Variants in LRRC53 observed in about 807,000 individuals in gnomAD.
The protein encoded by LRRC53 is leucine-rich repeat-containing protein 53.
Under a neutral mutation model 13.6 loss-of-function variants are expected in LRRC53, and 25 were observed. The ratio of observed to expected loss-of-function variants is 1.83; its 90% confidence interval spans 1.34 to 2.56. The LOEUF (loss-of-function observed/expected upper bound fraction) is 2.56. LRRC53 is among the 30% of genes most tolerant of loss of function. The probability of loss-of-function intolerance (pLI) is 0.00; values close to 1 mark genes in which losing one functional copy is unlikely to be tolerated. For missense variants in LRRC53, 527 were observed against 275.8 expected (o/e 1.91, Z -6.45); for synonymous variants, 204 against 109.8 (o/e 1.86, Z -5.37).
At chr1:74,530,153 C>T in the LRRC53 span, among the ~76,000 whole-genome samples, 1 of 152,136 alleles carries the variant, frequency 6.6e-6, no homozygotes, top group Non-Finnish European at 1.5e-5. Flanking sequence ...TTTCTATTTA[C>T]CCCAGAGGGT....
At chr1:74,527,985 G>T in the LRRC53 span, among the ~76,000 whole-genome samples, 14 of 152,300 alleles carry the variant, frequency 9.2e-5, no homozygotes, top group African/African-American at 3.1e-4. Flanking sequence ...CCCGGCCAAG[G>T]TGGTAGTGCT....
Position 74,470,713 on chromosome 1 carries a change from G to GT in LRRC53, c.2908dup (p.Thr970AsnfsTer20), listed in dbSNP as rs1180095226. 5.0e-6 allele frequency: 2 copies of GT among 400,342 alleles called. No individual in the cohort carries two copies. The highest frequency in any genetic ancestry group is 8.8e-6 in the Non-Finnish European group (2 of 226,110). 24.8% of individuals were successfully genotyped at this position (400,342 alleles called of 1,614,324 possible). A position where few individuals can be genotyped will look rare whatever the true frequency, so the allele number is the denominator to read the frequency against. On this transcript the variant is annotated frameshift_variant, in exon 5 of 5. Coordinates refer to ENST00000294635, the MANE Select transcript of LRRC53 (RefSeq NM_001382280.1). LOFTEE classifies it low-confidence loss of function (END_TRUNC). Reference sequence around the variant, plus strand: ...TGATATTTGGGGTTTTGTCATTAATGTTTTTTCTTTATTTTCAAGCTGTGC... The same window carrying GT: ...TGATATTTGGGGTTTTGTCATTAATGTTTTTTTCTTTATTTTCAAGCTGTGC...
At chr1:74,511,902 G>A (rs1192579831) in intron 1 of LRRC53, among the ~76,000 whole-genome samples, 5 of 152,140 alleles carry the variant, frequency 3.3e-5, no homozygotes, top group Admixed American at 3.3e-4. Flanking sequence ...AACAGCAAAG[G>A]GTTGAGTGTG....
At chr1:74,484,531 G>A (rs1043263889) in intron 1 of LRRC53, among the ~76,000 whole-genome samples, 4 of 152,124 alleles carry the variant, frequency 2.6e-5, no homozygotes, top group Admixed American at 6.6e-5. Context: ...GGAGAAGATC[G>A]CATTGACTCG....
intron 1 of LRRC53, chr1:74,492,041 T>C (rs1669104166): frequency 1.4e-6 from 2 of 1,384,318 alleles, no homozygotes; most frequent in African/African-American, 1.4e-5. Context: ...TTTTATGTTA[T>C]GTCTTCACAC....
the LRRC53 span, among the ~76,000 whole-genome samples, chr1:74,535,482 C>CA: frequency 6.6e-6 from 1 of 151,728 alleles, no homozygotes; most frequent in African/African-American, 2.4e-5. Flanking sequence ...ATCAAACAAA[C>CA]AAAAAAAGAA....
Position 74,494,915 on chromosome 1 carries a change from C to T in LRRC53, c.-26-11540G>A, listed in dbSNP as rs45449194. Among the ~76,000 whole-genome samples, 296 of 152,222 alleles carry T rather than the reference C, an allele frequency of 1.9e-3. 1 individual carries two copies. Among genetic ancestry groups the T allele is most frequent in the African/African-American group, 6.0e-3 (251 of 41,528 alleles). Reference sequence around the variant, plus strand: ...GGCAAGTCACAGAATTTACAATACACGGAGAGCTACACAGAATAGGAGGCA... The same window carrying T: ...GGCAAGTCACAGAATTTACAATACATGGAGAGCTACACAGAATAGGAGGCA... On this transcript the variant is annotated intron_variant, in intron 1 of 4. Transcript: ENST00000294635.
At chr1:74,510,737 T>C (rs566298709) in intron 1 of LRRC53, among the ~76,000 whole-genome samples, 1 of 152,332 alleles carries the variant, frequency 6.6e-6, no homozygotes, top group African/African-American at 2.4e-5. Context: ...TGGCTAGCAT[T>C]GAAAAGTTCA....
Position 74,480,715 on chromosome 1 carries a change from C to T in LRRC53, c.342G>A (p.Leu114=). Reference sequence around the variant, plus strand: ...GTAGGGTGCGGAGAGCATTATTGCTCAGCACCAGTACCTGCAGGCTGTGAA... The same window carrying T: ...GTAGGGTGCGGAGAGCATTATTGCTTAGCACCAGTACCTGCAGGCTGTGAA... ...SKLHSLQVLV[L]SNNALRTLRG... is the part of the protein sequence containing the mutation. The change falls in exon 3 of 5, where the codon CTG becomes CTA. Residue 114 remains leucine, a synonymous_variant. Transcript: ENST00000294635. 2.8e-6 allele frequency: 2 copies of T among 717,408 alleles called. No homozygotes were observed. Among genetic ancestry groups the T allele is most frequent in the African/African-American group, 1.7e-5 (1 of 57,388 alleles). 44.4% of individuals were successfully genotyped at this position (717,408 alleles called of 1,614,324 possible).
the LRRC53 span, among the ~76,000 whole-genome samples, chr1:74,525,796 G>A: frequency 6.6e-6 from 1 of 152,286 alleles, no homozygotes; most frequent in South Asian, 2.1e-4. Flanking sequence ...AGTTGGCCCA[G>A]CAGGAAATGT....
chr1:74,533,215 GA>G, the LRRC53 span, among the ~76,000 whole-genome samples: 1 of 151,884 alleles, frequency 6.6e-6, no homozygotes, highest in African/African-American at 2.4e-5. Flanking sequence ...AAATTTACAA[GA>G]AAAAAACAAA....
At chr1:74,484,457 A>G (rs1668653620) in intron 1 of LRRC53, among the ~76,000 whole-genome samples, 1 of 152,244 alleles carries the variant, frequency 6.6e-6, no homozygotes, top group Non-Finnish European at 1.5e-5. Context: ...CAATAAACAA[A>G]TAATATAAAA....
chr1:74,514,452 T>A (rs1646319275), upstream of LRRC53, among the ~76,000 whole-genome samples: 1 of 152,220 alleles, frequency 6.6e-6, no homozygotes, highest in Admixed American at 6.5e-5. Context: ...TAGAAATTGC[T>A]GTTGTTCTCT....
chr1:74,527,169 G>A, the LRRC53 span, among the ~76,000 whole-genome samples: 1 of 152,144 alleles, frequency 6.6e-6, no homozygotes, highest in African/African-American at 2.4e-5. Context: ...AGTTTTACTA[G>A]CCCGTGCCAG....
Position 74,471,832 on chromosome 1 carries a change from G to C in LRRC53, c.1790C>G (p.Ser597Ter). The change falls in exon 5 of 5, where the codon TCA (serine) becomes TGA (stop). Residue 597 changes from serine (S) to a stop codon, truncating the protein, a stop_gained. Transcript: ENST00000294635. LOFTEE classifies it low-confidence loss of function (END_TRUNC). ...KEKKPNRRQH[S>*]KPEKEQIQIN... is the part of the protein sequence containing the mutation. ...TTGGATTTGCTCTTTCTCAGGCTTT[G>C]AGTGTTGTCTACGATTTGGCTTCTT... The C allele has an allele frequency of 2.2e-6, 1 of 446,634 alleles. No homozygotes were observed. The highest frequency in any genetic ancestry group is 3.9e-6 in the Non-Finnish European group (1 of 253,432). The allele number at this position is 446,634 out of a possible 1,614,324, so 27.7% of individuals were successfully genotyped here.
At chr1:74,474,405 T>A (rs1342559869) in intron 4 of LRRC53, among the ~76,000 whole-genome samples, 1 of 152,108 alleles carries the variant, frequency 6.6e-6, no homozygotes, top group East Asian at 1.9e-4. Context: ...TAAACTCACA[T>A]CCTACCTTAT....
At chr1:74,522,198 A>AT in the LRRC53 span, among the ~76,000 whole-genome samples, 1 of 152,236 alleles carries the variant, frequency 6.6e-6, no homozygotes, top group Non-Finnish European at 1.5e-5. Context: ...AATCAGGGCC[A>AT]GACACAAATA....
In LRRC53 at chr1:74,512,532, G is replaced by A. The variant is rs1670281987; in HGVS notation, c.-33C>T. 6.6e-6 allele frequency: 1 copy of A among 152,152 alleles called. No individual in the cohort carries two copies. Among genetic ancestry groups the A allele is most frequent in the Admixed American group, 6.5e-5 (1 of 15,282 alleles). 9.4% of individuals were successfully genotyped at this position (152,152 alleles called of 1,614,324 possible). On this transcript the variant is annotated 5_prime_UTR_variant, in exon 1 of 5. Transcript: ENST00000294635. Reference sequence around the variant, plus strand: ...AAGAAAGAAATTAACTTACCCAAAGGTCTCACAGCTTGTAGTTTGTGAATC... The same window carrying A: ...AAGAAAGAAATTAACTTACCCAAAGATCTCACAGCTTGTAGTTTGTGAATC...
At chr1:74,518,873 C>CTTTTTTTTTT in the LRRC53 span, among the ~76,000 whole-genome samples, 13 of 100,334 alleles carry the variant, frequency 1.3e-4, 1 homozygote, top group Non-Finnish European at 1.4e-4. Context: ...TTTTTTTTCC[C>CTTTTTTTTTT]CTTTTTTTTT....
Sources: allele counts gnomAD v4.1 joint callset (sites outside exome capture counted in the v4.1 genomes callset), GRCh38; gene constraint gnomAD v4.1.1; transcripts MANE v1.5; gene names NCBI Gene and HGNC (gene_info 2026-07-23, HGNC 2026-07-21).